The following USP6NL variants were observed in gnomAD, a reference collection of about 807,000 sequenced individuals.
USP6NL encodes the protein USP6 N-terminal like.
Under a neutral mutation model 61.9 loss-of-function variants are expected in USP6NL, and 26 were observed. That is an observed-to-expected ratio of 0.42 (90% CI 0.31 to 0.58). The LOEUF (loss-of-function observed/expected upper bound fraction) is 0.58, where lower values mean the gene tolerates loss of function less well. Ranked by LOEUF, USP6NL falls within the 20% of genes least tolerant of loss-of-function variation. The pLI is 0.16. For synonymous variants in USP6NL, 432 were observed against 390.1 expected (o/e 1.11, Z -1.27); for missense variants, 1,114 against 1,034.3 (o/e 1.08, Z -1.06).
chr10:11,527,381 G>T, intron 3 of USP6NL, 119 bp downstream of exon 3: 1 of 802,268 alleles, frequency 1.2e-6, no homozygotes, highest in Non-Finnish European at 2.0e-6. Context: ...TGATCTCTAT[G>T]TCCCCATGAA....
rs1031199289 is a variant in USP6NL, at chr10:11,510,752, T to G, written c.196-1077A>C. Among the ~76,000 whole-genome samples the G allele has an allele frequency of 4.6e-5, 7 of 152,196 alleles. No homozygotes were observed. The South Asian group carries it at 1.4e-3, about 31-fold the overall frequency. On this transcript the variant is annotated intron_variant, in intron 5 of 14. Transcript: ENST00000609104. This position sits in a 1 kb window ranked among gnomAD's most constrained non-coding sequence, Gnocchi z 4.8. Reference sequence around the variant, plus strand: ...GCATGCTCACTGCAACCCCACGAGGTAGGTATGATTGTCACCATTTTACAA... The same window carrying G: ...GCATGCTCACTGCAACCCCACGAGGGAGGTATGATTGTCACCATTTTACAA...
intron 14 of USP6NL, among the ~76,000 whole-genome samples, chr10:11,466,797 T>C (rs1267802342): frequency 6.6e-6 from 1 of 152,156 alleles, no homozygotes; most frequent in Non-Finnish European, 1.5e-5. Context: ...TACAAACACA[T>C]ACAGCATGTT....
rs1444635517 is a variant in USP6NL, at chr10:11,589,299, G to T, written c.4+8332C>A. ...TAGTTAAAACAACAAATTTAAGCAG[G>T]TTTGAAAATTAAATTCAATATCTGC... is the stretch of plus-strand genomic sequence containing the variant. On this transcript the variant is annotated intron_variant, in intron 2 of 14. Transcript: ENST00000609104. This position sits in a 1 kb window ranked among gnomAD's most constrained non-coding sequence, Gnocchi z 4.7. Among the ~76,000 whole-genome samples, 1 of 152,156 alleles carries T rather than the reference G, an allele frequency of 6.6e-6. No individual in the cohort carries two copies.
chr10:11,462,682 C>T lies in USP6NL; in HGVS notation c.2246G>A (p.Gly749Glu), dbSNP rs779194492. 2 of 1,613,960 alleles carry T rather than the reference C, an allele frequency of 1.2e-6. No individual in the cohort carries two copies. Among genetic ancestry groups the T allele is most frequent in the East Asian group, 2.2e-5 (1 of 44,874 alleles). The part of the protein sequence containing the change: ...VSYTYRPETQ[G>E]QSWTRDASRG... ...GCTAGCATCTCGGGTCCATGATTGT[C>T]CCTGCGTCTCAGGTCTGTATGTATA... Residue 749 changes from glycine (G) to glutamate (E), a missense_variant, in exon 15 of 15, where the codon GGA becomes GAA. Physicochemically the swap from Gly to Glu is moderately conservative, Grantham distance 98. Transcript: ENST00000609104.
chr10:11,588,669 G>C (rs1040740411), intron 2 of USP6NL, among the ~76,000 whole-genome samples: 1 of 152,008 alleles, frequency 6.6e-6, no homozygotes. Flanking sequence ...TATTCCATCA[G>C]AATGCAGCCA....
At chr10:11,551,941 T>C (rs1836504344) in intron 2 of USP6NL, among the ~76,000 whole-genome samples, 1 of 152,244 alleles carries the variant, frequency 6.6e-6, no homozygotes, top group Non-Finnish European at 1.5e-5. Flanking sequence ...TTTAGTTGGT[T>C]AGGTTACAAC....
chr10:11,524,057 A>AT (rs1162043033), intron 4 of USP6NL, among the ~76,000 whole-genome samples: 1 of 152,164 alleles, frequency 6.6e-6, no homozygotes, highest in Non-Finnish European at 1.5e-5. Flanking sequence ...GCCAAGTTTG[A>AT]TTTTTTAAAA....
At position 11,499,055 on chromosome 10, in the gene USP6NL, A is replaced by G. The variant is rs1326046791; in HGVS notation, c.384+2046T>C. On this transcript the variant is annotated intron_variant, in intron 7 of 14. Coordinates refer to ENST00000609104, the MANE Select transcript of USP6NL (RefSeq NM_014688.5). The surrounding 1 kb of genome is among the most constrained non-coding windows in gnomAD (Gnocchi z 4.5). ...ACAGGCCACCAGGGGAACTTGAAGG[A>G]CTGAATGCTGATAATATGCTGGGTC... Among the ~76,000 whole-genome samples, 3 of 152,180 alleles carry G rather than the reference A, an allele frequency of 2.0e-5. No homozygotes were observed. Among genetic ancestry groups the G allele is most frequent in the Non-Finnish European group, 4.4e-5 (3 of 68,032 alleles).
In USP6NL at chr10:11,482,983, CAT is replaced by C. The variant is rs546998204; in HGVS notation, c.926-1063_926-1062del. Among the ~76,000 whole-genome samples, 691 of 152,180 alleles carry C rather than the reference CAT, an allele frequency of 4.5e-3. 5 individuals carry two copies. The highest frequency in any genetic ancestry group is 0.016 in the African/African-American group (657 of 41,494). ...TCATTACCTCACATACTTATCTGTC[CAT>C]AGTGAGAACATTTAAGATGTACTCT... On this transcript the variant is annotated intron_variant, in intron 13 of 14. Transcript: ENST00000609104. This position sits in a 1 kb window ranked among gnomAD's most constrained non-coding sequence, Gnocchi z 4.0.
rs1838878431 is a variant in USP6NL at position 11,611,159 on chromosome 10, G to A, written c.-84+284C>T. 1 of 152,044 alleles carries A rather than the reference G, an allele frequency of 6.6e-6. No homozygotes were observed. The highest frequency in any genetic ancestry group is 1.5e-5 in the Non-Finnish European group (1 of 67,966). 9.4% of individuals were successfully genotyped at this position (152,044 alleles called of 1,614,324 possible). A position where few individuals can be genotyped will look rare whatever the true frequency, so the allele number is the denominator to read the frequency against. ...GCTCACTCGGGGAGGCAGTCGCCGG[G>A]TTCCACCCCCGGGCCTCCCCGCACC... On this transcript the variant is annotated intron_variant, in intron 1 of 14. Transcript: ENST00000609104. The surrounding 1 kb of genome is among the most constrained non-coding windows in gnomAD (Gnocchi z 5.3).
At chr10:11,472,296 C>T (rs1832783565) in intron 14 of USP6NL, among the ~76,000 whole-genome samples, 1 of 152,208 alleles carries the variant, frequency 6.6e-6, no homozygotes, top group Non-Finnish European at 1.5e-5. Context: ...GCCCTTCAGG[C>T]TTGTCCCTGC....
chr10:11,467,970 T>C (rs1038920579), intron 14 of USP6NL, among the ~76,000 whole-genome samples: 5 of 152,256 alleles, frequency 3.3e-5, no homozygotes, highest in Non-Finnish European at 7.3e-5. Context: ...AAAAGTATTT[T>C]AAGACTTTGC....
Position 11,585,938 on chromosome 10 carries a change from A to C in USP6NL, c.4+11693T>G, listed in dbSNP as rs1220429230. Among the ~76,000 whole-genome samples, 1 of 152,210 alleles carries C rather than the reference A, an allele frequency of 6.6e-6. No individual in the cohort carries two copies. Among genetic ancestry groups the C allele is most frequent in the Non-Finnish European group, 1.5e-5 (1 of 68,038 alleles). On this transcript the variant is annotated intron_variant, in intron 2 of 14. Transcript: ENST00000609104. The surrounding 1 kb of genome is among the most constrained non-coding windows in gnomAD (Gnocchi z 4.5). ...TCAGAGGCCGGGAAGAGGAAGAAACAGAGCATTAGTGTTTAATGGGTACAG... is the reference window on the plus strand; with the variant it reads ...TCAGAGGCCGGGAAGAGGAAGAAACCGAGCATTAGTGTTTAATGGGTACAG...
At position 11,598,676 on chromosome 10, in the gene USP6NL, A is replaced by G. The variant is rs1291167973; in HGVS notation, c.-83-959T>C. Among the ~76,000 whole-genome samples, 2 of 152,232 alleles carry G rather than the reference A, an allele frequency of 1.3e-5. No homozygotes were observed. The highest frequency in any genetic ancestry group is 2.9e-5 in the Non-Finnish European group (2 of 68,028). ...AAATAAGCTACTTCTTCCAATCACA[A>G]TAGGTGATGGTTATTTTCTAAATCA... On this transcript the variant is annotated intron_variant, in intron 1 of 14. Transcript: ENST00000609104. This position sits in a 1 kb window ranked among gnomAD's most constrained non-coding sequence, Gnocchi z 4.7.
intron 2 of USP6NL, among the ~76,000 whole-genome samples, chr10:11,566,592 C>T (rs991669194): frequency 6.6e-6 from 1 of 152,230 alleles, no homozygotes; most frequent in Non-Finnish European, 1.5e-5. Flanking sequence ...GAGAGCTGAA[C>T]TCGGGCAATC....
At chr10:11,534,689 T>C (rs1343611016) in intron 2 of USP6NL, among the ~76,000 whole-genome samples, 1 of 152,246 alleles carries the variant, frequency 6.6e-6, no homozygotes, top group Non-Finnish European at 1.5e-5. Context: ...GTGACCTTGA[T>C]GGTATATGAG....
Position 11,510,801 on chromosome 10 carries a change from TA to T in USP6NL, c.196-1127del. Among the ~76,000 whole-genome samples the T allele has an allele frequency of 2.0e-5, 3 of 152,224 alleles. No individual in the cohort carries two copies. Among genetic ancestry groups the T allele is most frequent in the Non-Finnish European group, 4.4e-5 (3 of 68,044 alleles). On this transcript the variant is annotated intron_variant, in intron 5 of 14. Transcript: ENST00000609104. This position sits in a 1 kb window ranked among gnomAD's most constrained non-coding sequence, Gnocchi z 4.8. ...AATGAGGAAACAGGCACAAAGGGCT[TA>T]AGGGACTTGTCCCAAGTCACCCCTC...
chr10:11,484,801 G>C (rs904241830), intron 13 of USP6NL, among the ~76,000 whole-genome samples, 170 bp downstream of exon 13: 1 of 152,114 alleles, frequency 6.6e-6, no homozygotes. Context: ...TCATGAGAAA[G>C]AACTTACAAA....
intron 13 of USP6NL, 145 bp downstream of exon 13, chr10:11,484,826 T>C: frequency 1.7e-6 from 1 of 582,652 alleles, no homozygotes. Context: ...CATTACCAAT[T>C]GATGATAATT....
Sources: gnomAD v4.1 joint callset for allele counts (sites outside exome capture counted in the v4.1 genomes callset) on GRCh38, gnomAD v4.1.1 for gene constraint, Gnocchi (gnomAD v3.1) non-coding constraint, MANE v1.5 for transcripts, NCBI Gene and HGNC (gene_info 2026-07-23, HGNC 2026-07-21) for gene names.